Variants in RNF220 observed in about 807,000 individuals in gnomAD.
The protein encoded by RNF220 is E3 ubiquitin-protein ligase RNF220.
RNF220 carries 7 observed loss-of-function variants against 67.1 expected under a neutral mutation model. The ratio of observed to expected loss-of-function variants is 0.10; its 90% CI spans 0.06 to 0.20. The LOEUF is 0.20. RNF220 is among the 10% of genes least tolerant of loss of function. The probability of loss-of-function intolerance (pLI) is 1.00; values close to 1 mark genes in which losing one functional copy is unlikely to be tolerated. For synonymous variants in RNF220, 270 were observed against 283.2 expected (o/e 0.95, Z 0.47); for missense variants, 565 against 740.3 (o/e 0.76, Z 2.75).
Position 44,632,384 on chromosome 1 carries a change from T to C in RNF220, c.948T>C (p.Asn316=). Residue 316 remains asparagine, a splice_region_variant and synonymous_variant, in exon 6 of 15, where the codon AAT becomes AAC. Transcript: ENST00000361799. ...RVRANRQTRL[N]ARIGKMKRRK... ...GAGCCAACCGGCAGACCCGACTGAA[T>C]GGTGAGTCCTGCCCGGCCCCTCCCT... 2 of 1,613,402 alleles carry C rather than the reference T, an allele frequency of 1.2e-6. No homozygotes were observed. Among genetic ancestry groups the C allele is most frequent in the South Asian group, 1.1e-5 (1 of 91,066 alleles).
chr1:44,526,992 T>C (rs1318835957), intron 2 of RNF220, among the ~76,000 whole-genome samples: 5 of 151,980 alleles, frequency 3.3e-5, no homozygotes, highest in Non-Finnish European at 7.4e-5. Context: ...GATGTGCCCC[T>C]TCAGTATCGC....
At position 44,644,787 on chromosome 1, in the gene RNF220, A is replaced by G; in HGVS notation, c.1216A>G (p.Lys406Glu). The G allele has an allele frequency of 6.2e-7, 1 of 1,613,462 alleles. No homozygotes were observed. Among genetic ancestry groups the G allele is most frequent in the Non-Finnish European group, 8.5e-7 (1 of 1,179,384 alleles). The change falls in exon 9 of 15, where the codon AAG (lysine) becomes GAG (glutamate). Residue 406 changes from lysine to glutamate, a missense_variant. Transcript: ENST00000361799. ...VDGDDTLEYGKPQYTEADVIP... is the reference protein window; with the variant it reads ...VDGDDTLEYGEPQYTEADVIP... ...TGGGGATGACACTCTGGAGTATGGG[A>G]AGCCACAGTATCCTTGGAGCACTAT...
At chr1:44,421,795 T>G (rs1303048710) in intron 2 of RNF220, among the ~76,000 whole-genome samples, 1 of 151,958 alleles carries the variant, frequency 6.6e-6, no homozygotes, top group Non-Finnish European at 1.5e-5. Context: ...TGCATGTCAG[T>G]GGGAGAGGTG....
intron 1 of RNF220, chr1:44,408,875 G>A: frequency 6.6e-6 from 1 of 152,394 alleles, no homozygotes. Context: ...GGGGGCAGCA[G>A]CACCGCTTCC....
intron 2 of RNF220, among the ~76,000 whole-genome samples, chr1:44,498,191 T>C (rs1657518055): frequency 6.6e-6 from 1 of 152,210 alleles, no homozygotes. Context: ...CAATCTACAC[T>C]TTTTTCTGGG....
intron 2 of RNF220, among the ~76,000 whole-genome samples, chr1:44,527,533 G>C (rs527381146): frequency 3.9e-5 from 6 of 152,128 alleles, no homozygotes; most frequent in African/African-American, 1.4e-4. Context: ...GGAGATGAGA[G>C]AATCGCTTAA....
At chr1:44,409,157 C>T (rs1232922643) in intron 1 of RNF220, among the ~76,000 whole-genome samples, 2 of 150,022 alleles carry the variant, frequency 1.3e-5, no homozygotes, top group East Asian at 3.8e-4. Flanking sequence ...TGGCGTTTTG[C>T]AATCACTTTA....
intron 2 of RNF220, among the ~76,000 whole-genome samples, chr1:44,494,593 A>G (rs1015650688): frequency 1.3e-5 from 2 of 149,046 alleles, no homozygotes; most frequent in African/African-American, 5.2e-5. Context: ...ACATATTGTT[A>G]AAAAGAAAAA....
chr1:44,427,414 C>A (rs147772477), intron 2 of RNF220, among the ~76,000 whole-genome samples: 225 of 152,290 alleles, frequency 1.5e-3, no homozygotes, highest in African/African-American at 5.3e-3. Flanking sequence ...GTGTGGCAGC[C>A]CTTAGGCACA....
At chr1:44,407,970 TC>T (rs1395496143) in intron 1 of RNF220, among the ~76,000 whole-genome samples, 1 of 152,190 alleles carries the variant, frequency 6.6e-6, no homozygotes, top group Non-Finnish European at 1.5e-5. Flanking sequence ...TGTCGGTTCT[TC>T]CTGGACTGGC....
At chr1:44,513,959 A>G (rs932119748) in intron 2 of RNF220, among the ~76,000 whole-genome samples, 24 of 152,390 alleles carry the variant, frequency 1.6e-4, no homozygotes, top group African/African-American at 5.8e-4. Context: ...GCCTAAGAGA[A>G]GAAGGGAGAA....
intron 12 of RNF220, among the ~76,000 whole-genome samples, chr1:44,647,465 C>T (rs551545960): frequency 1.8e-4 from 27 of 152,164 alleles, no homozygotes; most frequent in African/African-American, 5.5e-4. Flanking sequence ...GCTTCCAGAG[C>T]CAGAGAGCTA....
intron 12 of RNF220, among the ~76,000 whole-genome samples, chr1:44,647,835 A>G (rs1490880979): frequency 6.6e-6 from 1 of 152,042 alleles, no homozygotes; most frequent in Non-Finnish European, 1.5e-5. Context: ...TCCTTGCCCA[A>G]AGTCCACGTC....
chr1:44,515,344 T>C (rs1659370863), intron 2 of RNF220, among the ~76,000 whole-genome samples: 1 of 152,102 alleles, frequency 6.6e-6, no homozygotes, highest in Non-Finnish European at 1.5e-5. Context: ...CACAATTGAG[T>C]AGATGGTTCT....
rs1200994658 is a variant in RNF220, at chr1:44,509,790, G to A, written c.625+97068G>A. ...TCATCCCAGCTACTTTGGAGGCTAA[G>A]GCACGAGAATTGCTTGAACCCAGGA... On this transcript the variant is annotated intron_variant, in intron 2 of 14. Transcript: ENST00000361799. Among the ~76,000 whole-genome samples the A allele has an allele frequency of 3.4e-5, 5 of 146,782 alleles. No individual in the cohort carries two copies. In the East Asian group the frequency reaches 1.0e-3, roughly 29 times the overall value.
chr1:44,421,826 G>A (rs925146580), intron 2 of RNF220, among the ~76,000 whole-genome samples: 2 of 152,060 alleles, frequency 1.3e-5, no homozygotes, highest in African/African-American at 4.8e-5. Context: ...GGATGGGAGT[G>A]GGGAAGACTG....
At chr1:44,514,044 T>C (rs1659256767) in intron 2 of RNF220, among the ~76,000 whole-genome samples, 1 of 152,222 alleles carries the variant, frequency 6.6e-6, no homozygotes, top group Admixed American at 6.5e-5. Context: ...ATTCAATATA[T>C]AGTCGTGTAG....
chr1:44,545,312 T>C (rs533167740), intron 2 of RNF220, among the ~76,000 whole-genome samples: 1 of 151,470 alleles, frequency 6.6e-6, no homozygotes, highest in East Asian at 1.9e-4. Context: ...TGAAGGGAGG[T>C]TTGAAAGGAG....
chr1:44,517,485 G>T (rs1659548055), intron 2 of RNF220, among the ~76,000 whole-genome samples: 1 of 151,770 alleles, frequency 6.6e-6, no homozygotes, highest in Non-Finnish European at 1.5e-5. Context: ...CTTTTAACCT[G>T]GCCTTTGACT....
Sources: gnomAD v4.1 joint callset for allele counts (sites outside exome capture counted in the v4.1 genomes callset) on GRCh38, gnomAD v4.1.1 for gene constraint, MANE v1.5 for transcripts, NCBI Gene and HGNC (gene_info 2026-07-23, HGNC 2026-07-21) for gene names.